The following PLEKHA7 variants were observed in gnomAD, a reference collection of about 807,000 sequenced individuals.
The protein encoded by PLEKHA7 is pleckstrin homology domain-containing family A member 7.
In PLEKHA7, 104 loss-of-function variants were observed where a neutral mutation model predicts 170.0. That is an observed-to-expected ratio of 0.61 (90% confidence interval 0.52 to 0.72). The LOEUF is 0.72. Ranked by LOEUF, PLEKHA7 falls within the 30% of genes least tolerant of loss-of-function variation. The probability of loss-of-function intolerance (pLI) is 0.00; values close to 1 mark genes in which losing one functional copy is unlikely to be tolerated. For missense variants in PLEKHA7, 1,615 were observed against 1,671.7 expected, an observed-to-expected ratio of 0.97 and a Z score of 0.59; for synonymous variants, 648 against 660.8, an observed-to-expected ratio of 0.98 and a Z score of 0.30.
chr11:16,852,055 T>C (rs1468800308), intron 7 of PLEKHA7, among the ~76,000 whole-genome samples: 1 of 152,220 alleles, frequency 6.6e-6, no homozygotes, highest in Admixed American at 6.5e-5. Flanking sequence ...TGATCCACAC[T>C]TCTCACCTCT....
Position 17,003,861 on chromosome 11 carries a change from G to C in PLEKHA7, c.221+10128C>G, listed in dbSNP as rs571817364. Among the ~76,000 whole-genome samples, 9 of 152,084 alleles carry C rather than the reference G, an allele frequency of 5.9e-5. 1 individual carries two copies. Among genetic ancestry groups the C allele is most frequent in the Non-Finnish European group, 1.2e-4 (8 of 68,022 alleles). ...GCTGGATGAGACAGAGAAGTGATCC[G>C]GCACAACTCACAACTCAGTACAAGC... On this transcript the variant is annotated intron_variant, in intron 3 of 26. Coordinates refer to ENST00000531066, the MANE Select transcript of PLEKHA7 (RefSeq NM_001329630.2).
intron 3 of PLEKHA7, among the ~76,000 whole-genome samples, chr11:16,997,472 C>T (rs1864409612): frequency 1.3e-5 from 2 of 152,178 alleles, no homozygotes; most frequent in South Asian, 4.1e-4. Context: ...AAGTCCAAAA[C>T]AAAGACCGGC....
intron 10 of PLEKHA7, among the ~76,000 whole-genome samples, chr11:16,820,969 G>C (rs1850171528): frequency 6.6e-6 from 1 of 152,134 alleles, no homozygotes; most frequent in Non-Finnish European, 1.5e-5. Flanking sequence ...GCGAGCAAGT[G>C]GGTGCTTCCA....
intron 3 of PLEKHA7, among the ~76,000 whole-genome samples, chr11:16,909,430 G>A (rs1858092338): frequency 6.6e-6 from 1 of 152,182 alleles, no homozygotes; most frequent in Non-Finnish European, 1.5e-5. Flanking sequence ...TTACTGAGCA[G>A]AAAGAGACAG....
At chr11:16,831,833 G>A (rs1415882819) in intron 9 of PLEKHA7, among the ~76,000 whole-genome samples, 1 of 152,200 alleles carries the variant, frequency 6.6e-6, no homozygotes, top group African/African-American at 2.4e-5. Context: ...CTGGCACACA[G>A]TATGCCCTCA....
At chr11:16,807,122 G>A in intron 13 of PLEKHA7, 1 of 973,530 alleles carries the variant, frequency 1.0e-6, no homozygotes, top group Non-Finnish European at 1.2e-6. Flanking sequence ...CCCGCTTGGA[G>A]ACACGGATCA....
intron 3 of PLEKHA7, among the ~76,000 whole-genome samples, chr11:16,897,652 A>G (rs1356375034): frequency 6.6e-6 from 1 of 152,194 alleles, no homozygotes. Context: ...GTGCCACGTG[A>G]AAGGCTGGTA....
At chr11:16,896,380 C>T (rs920649013) in intron 3 of PLEKHA7, among the ~76,000 whole-genome samples, 2 of 152,200 alleles carry the variant, frequency 1.3e-5, no homozygotes, top group Non-Finnish European at 2.9e-5. Context: ...GTGCTAAACA[C>T]CACCATCCCG....
intron 8 of PLEKHA7, among the ~76,000 whole-genome samples, chr11:16,843,090 T>A (rs998095370): frequency 1.3e-5 from 2 of 152,226 alleles, no homozygotes; most frequent in Non-Finnish European, 2.9e-5. Flanking sequence ...CACTACTATA[T>A]CCCCAGGAAG....
chr11:16,998,956 C>T (rs1217232049), intron 3 of PLEKHA7, among the ~76,000 whole-genome samples: 1 of 142,248 alleles, frequency 7.0e-6, no homozygotes, highest in Admixed American at 7.1e-5. Context: ...TACAATCCCC[C>T]ACTCACTCCC....
chr11:16,814,539 T>A (rs1363772603), intron 12 of PLEKHA7, among the ~76,000 whole-genome samples: 1 of 152,164 alleles, frequency 6.6e-6, no homozygotes, highest in Non-Finnish European at 1.5e-5. Flanking sequence ...TAGCCAGTCC[T>A]TGAGAAGCTT....
chr11:16,786,389 T>C lies in PLEKHA7; in HGVS notation c.3358-2A>G. On this transcript the variant is annotated splice_acceptor_variant, in intron 23 of 26. Transcript: ENST00000531066. LOFTEE classifies it high-confidence loss of function. Reference sequence around the variant, plus strand: ...GTCAAAGTCCTGCTCACGCTTCCACTGGCAACAGAACAAGAGGTTAAACGT... The same window carrying C: ...GTCAAAGTCCTGCTCACGCTTCCACCGGCAACAGAACAAGAGGTTAAACGT... 1 of 1,536,124 alleles carries C rather than the reference T, an allele frequency of 6.5e-7. No individual in the cohort carries two copies. Among genetic ancestry groups the C allele is most frequent in the Non-Finnish European group, 8.7e-7 (1 of 1,146,900 alleles).
intron 10 of PLEKHA7, among the ~76,000 whole-genome samples, chr11:16,818,203 T>C (rs1386234199): frequency 1.3e-5 from 2 of 152,232 alleles, no homozygotes; most frequent in African/African-American, 4.8e-5. Flanking sequence ...ACTTGCTGGC[T>C]TTGTGACCCT....
At chr11:16,875,286 T>C (rs2135723210) in intron 3 of PLEKHA7, among the ~76,000 whole-genome samples, 1 of 152,270 alleles carries the variant, frequency 6.6e-6, no homozygotes, top group South Asian at 2.1e-4. Flanking sequence ...AGGGCAGATA[T>C]TTTTATCCCC....
chr11:16,956,700 C>T (rs529995658), intron 3 of PLEKHA7, among the ~76,000 whole-genome samples: 8 of 152,320 alleles, frequency 5.3e-5, no homozygotes, highest in East Asian at 3.9e-4. Context: ...AGTCTACTCC[C>T]GCCTGGGCCC....
chr11:17,006,691 A>G (rs1376423526), intron 3 of PLEKHA7, among the ~76,000 whole-genome samples: 2 of 152,184 alleles, frequency 1.3e-5, no homozygotes, highest in African/African-American at 4.8e-5. Context: ...TACAAGATAA[A>G]TTTCACTGCC....
At chr11:16,917,308 C>T (rs890252338) in intron 3 of PLEKHA7, among the ~76,000 whole-genome samples, 1 of 152,208 alleles carries the variant, frequency 6.6e-6, no homozygotes, top group African/African-American at 2.4e-5. Flanking sequence ...ATGCTGTATT[C>T]ACTGTTCATC....
chr11:16,855,537 G>T lies in PLEKHA7; in HGVS notation c.417+266C>A, dbSNP rs138549776. On this transcript the variant is annotated intron_variant, in intron 5 of 26. Coordinates refer to ENST00000531066, the MANE Select transcript of PLEKHA7 (RefSeq NM_001329630.2). ...CACACAGCTACATGTAAATAGAAAC[G>T]TGGCCCTCCCAACCATGCGAGGAAA... 1.2e-5 allele frequency: 5 copies of T among 428,164 alleles called. 1 individual carries two copies. In the Admixed American group the frequency reaches 1.7e-4, roughly 14 times the overall value. The allele number at this position is 428,164 out of a possible 1,614,324, so 26.5% of individuals were successfully genotyped here.
At chr11:16,788,312 G>A (rs1849540952) in intron 23 of PLEKHA7, 1 of 152,516 alleles carries the variant, frequency 6.6e-6, no homozygotes, top group African/African-American at 2.4e-5. Context: ...CCGGTAATAA[G>A]TAGCACAGGC....
Sources: allele counts gnomAD v4.1 joint callset (sites outside exome capture counted in the v4.1 genomes callset), GRCh38; gene constraint gnomAD v4.1.1; transcripts MANE v1.5; gene names NCBI Gene and HGNC (gene_info 2026-07-23, HGNC 2026-07-21).